ZNF586: variants seen among roughly 807,000 people sequenced by gnomAD.
ZNF586 encodes zinc finger protein 586.
Under a neutral mutation model 6.7 loss-of-function variants are expected in ZNF586, and 7 were observed. The ratio of observed to expected loss-of-function variants is 1.04; its 90% CI spans 0.59 to 1.95. ZNF586 has a LOEUF of 1.95. Among genes scored for constraint, ZNF586 ranks in the 30% most tolerant of loss-of-function variants. The pLI, the probability that ZNF586 is intolerant of heterozygous loss-of-function variation, is 0.00. For synonymous variants in ZNF586, 166 were observed against 168.7 expected (o/e 0.98, Z 0.12); for missense variants, 442 against 489.6 (o/e 0.90, Z 0.92).
At position 57,769,748 on chromosome 19, in the gene ZNF586, G is replaced by A. The variant is rs1987039203; in HGVS notation, c.-95G>A. Reference sequence around the variant, plus strand: ...GAGTGGTTGTGGCCATTGCACACAGGCGGATCTGAGGTTCGGCGACGCCGC... The same window carrying A: ...GAGTGGTTGTGGCCATTGCACACAGACGGATCTGAGGTTCGGCGACGCCGC... On this transcript the variant is annotated 5_prime_UTR_variant, in exon 1 of 3. Coordinates refer to ENST00000396154, the MANE Select transcript of ZNF586 (RefSeq NM_017652.4). The A allele has an allele frequency of 2.0e-5, 27 of 1,329,594 alleles. No individual in the cohort carries two copies. The highest frequency in any genetic ancestry group is 2.6e-5 in the Non-Finnish European group (25 of 953,792). 82.4% of individuals were successfully genotyped at this position (1,329,594 alleles called of 1,614,324 possible). A position where few individuals can be genotyped will look rare whatever the true frequency, so the allele number is the denominator to read the frequency against.
chr19:57,775,045 G>A (rs886344681), intron 1 of ZNF586, among the ~76,000 whole-genome samples: 10 of 151,258 alleles, frequency 6.6e-5, no homozygotes, highest in Non-Finnish European at 5.9e-5. Flanking sequence ...TGTCGCCCAG[G>A]CTGGAGTACA....
Position 57,772,669 on chromosome 19 carries a change from T to G in ZNF586, c.36+2791T>G, listed in dbSNP as rs533775222. 2.0e-5 allele frequency among the ~76,000 whole-genome samples: 3 copies of G among 152,290 alleles called. No homozygotes were observed. In the South Asian group the frequency reaches 6.2e-4, roughly 32 times the overall value. ...ATTACAAAGGTTACAGATGAAGAGA[T>G]GCATAAGGGGAAGCGACCCAGAGCT... On this transcript the variant is annotated intron_variant, in intron 1 of 2. Transcript: ENST00000396154.
Position 57,778,998 on chromosome 19 carries a change from C to A in ZNF586, c.411C>A (p.Leu137=). The change falls in exon 3 of 3, where the codon CTC becomes CTA. Residue 137 remains leucine (L), a synonymous_variant. Transcript: ENST00000396154. ...YGKLFHQKPT[L]HIHERFHTGQ... ...AATTATTTCACCAAAAGCCTACACT[C>A]CATATTCATGAGAGATTTCATACTG... is the stretch of plus-strand genomic sequence containing the variant. 1 of 1,613,934 alleles carries A rather than the reference C, an allele frequency of 6.2e-7. No homozygotes were observed. The highest frequency in any genetic ancestry group is 8.5e-7 in the Non-Finnish European group (1 of 1,179,990).
At chr19:57,778,239 CTT>C (rs1353532765) in intron 2 of ZNF586, among the ~76,000 whole-genome samples, 2 of 151,982 alleles carry the variant, frequency 1.3e-5, no homozygotes, top group South Asian at 2.1e-4. Flanking sequence ...ACCTGGCTAA[CTT>C]TTATTTTTAG....
intron 1 of ZNF586, among the ~76,000 whole-genome samples, chr19:57,774,325 C>A (rs1987172170): frequency 6.6e-6 from 1 of 150,888 alleles, no homozygotes; most frequent in South Asian, 2.1e-4. Context: ...GAGTTGGAGA[C>A]CAGCCTGACC....
At chr19:57,778,623 T>C in intron 2 of ZNF586, 128 bp from the exon 3 acceptor site, 1 of 836,224 alleles carries the variant, frequency 1.2e-6, no homozygotes, top group Non-Finnish European at 1.8e-6. Context: ...AACCTCAACC[T>C]GAACCCAACT....
At position 57,779,602 on chromosome 19, in the gene ZNF586, C is replaced by G. The variant is rs1987334015; in HGVS notation, c.1015C>G (p.His339Asp). The G allele has an allele frequency of 1.9e-6, 3 of 1,613,664 alleles. No individual in the cohort carries two copies. The highest frequency in any genetic ancestry group is 2.5e-6 in the Non-Finnish European group (3 of 1,179,990). Reference protein sequence around the residue: ...KSSLIIHLRVHTGERPYECSD... With the variant: ...KSSLIIHLRVDTGERPYECSD... ...TAGCCTTATTATACATCTGAGAGTT[C>G]ACACTGGAGAAAGGCCTTATGAGTG... The change falls in exon 3 of 3, where the codon CAC becomes GAC. Residue 339 changes from histidine (H) to aspartate (D), a missense_variant. His to Asp is a moderately conservative substitution (Grantham distance 81). Transcript: ENST00000396154.
chr19:57,776,381 A>G (rs1380586653), intron 1 of ZNF586, among the ~76,000 whole-genome samples, 162 bp from the exon 2 acceptor site: 1 of 152,112 alleles, frequency 6.6e-6, no homozygotes, highest in Non-Finnish European at 1.5e-5. Context: ...GTCATGATTA[A>G]TGGTCCCATG....
chr19:57,777,814 A>C (rs1400667400), intron 2 of ZNF586, among the ~76,000 whole-genome samples: 1 of 124,280 alleles, frequency 8.0e-6, no homozygotes, highest in Non-Finnish European at 1.6e-5. Context: ...GGAGTGCAAT[A>C]GTGCGATCTC....
Position 57,779,322 on chromosome 19 carries a change from A to C in ZNF586, c.735A>C (p.Glu245Asp), listed in dbSNP as rs772778194. The change falls in exon 3 of 3, where the codon GAA (glutamate) becomes GAC (aspartate). Residue 245 changes from glutamate (E) to aspartate (D), a missense_variant. Physicochemically the swap from Glu to Asp is conservative, Grantham distance 45. Coordinates refer to ENST00000396154, the MANE Select transcript of ZNF586 (RefSeq NM_017652.4). ...GTGAATGTGGGAGATCCTTTGCTGAAAACTCCAGTCTTATTAAACACTTGA... is the reference window on the plus strand; with the variant it reads ...GTGAATGTGGGAGATCCTTTGCTGACAACTCCAGTCTTATTAAACACTTGA... ...ECSECGRSFA[E>D]NSSLIKHLRV... is the part of the protein sequence containing the mutation. 1.9e-6 allele frequency: 3 copies of C among 1,613,990 alleles called. No individual in the cohort carries two copies. The South Asian group carries it at 3.3e-5, about 18-fold the overall frequency.
Position 57,779,868 on chromosome 19 carries a change from G to T in ZNF586, c.*72G>T. On this transcript the variant is annotated 3_prime_UTR_variant, in exon 3 of 3. Coordinates refer to ENST00000396154, the MANE Select transcript of ZNF586 (RefSeq NM_017652.4). ...GCCAGAGAGTTCACACCAGATCAAG[G>T]TGTTATGAGTGTGACAAATGGGGAA... The T allele has an allele frequency of 8.0e-7, 1 of 1,254,214 alleles. No individual in the cohort carries two copies. The allele number at this position is 1,254,214 out of a possible 1,614,324, so 77.7% of individuals were successfully genotyped here.
Position 57,778,835 on chromosome 19 carries a change from G to A in ZNF586, c.248G>A (p.Ser83Asn), listed in dbSNP as rs1318400594. ...IHIYKDQGGH[S>N]GERPYECGEY... is the part of the protein sequence containing the mutation. ...ATATACAAAGACCAGGGAGGTCATA[G>A]TGGAGAAAGGCCTTATGAGTGTGGG... The change falls in exon 3 of 3, where the codon AGT becomes AAT. Residue 83 changes from serine to asparagine, a missense_variant. By Grantham distance (46) the Ser-to-Asn change is conservative. Transcript: ENST00000396154. The A allele has an allele frequency of 6.2e-7, 1 of 1,614,210 alleles. No homozygotes were observed. The highest frequency in any genetic ancestry group is 2.2e-5 in the East Asian group (1 of 44,892).
chr19:57,772,412 A>G (rs531847414), intron 1 of ZNF586, among the ~76,000 whole-genome samples: 1 of 152,196 alleles, frequency 6.6e-6, no homozygotes, highest in African/African-American at 2.4e-5. Flanking sequence ...GTAGTTCTGC[A>G]GTGGACATCA....
At chr19:57,771,973 C>T (rs763964124) in intron 1 of ZNF586, among the ~76,000 whole-genome samples, 4 of 152,026 alleles carry the variant, frequency 2.6e-5, no homozygotes, top group Non-Finnish European at 5.9e-5. Context: ...TACAGGCGCG[C>T]GCCTCCACAC....
intron 1 of ZNF586, 63 bp downstream of exon 1, chr19:57,769,941 G>T (rs1335706452): frequency 2.3e-5 from 31 of 1,344,938 alleles, no homozygotes; most frequent in Non-Finnish European, 2.7e-5. Context: ...GCCCCTGATC[G>T]TGAGGGCCGC....
intron 1 of ZNF586, among the ~76,000 whole-genome samples, chr19:57,775,802 T>C (rs1282245740): frequency 6.6e-6 from 1 of 152,036 alleles, no homozygotes. Flanking sequence ...GGGTTTCACC[T>C]TGTTGGTCAG....
Position 57,776,100 on chromosome 19 carries a change from A to G in ZNF586, c.37-443A>G, listed in dbSNP as rs1600079833. 2.0e-5 allele frequency among the ~76,000 whole-genome samples: 3 copies of G among 152,302 alleles called. No individual in the cohort carries two copies. The South Asian group carries it at 6.2e-4, about 32-fold the overall frequency. On this transcript the variant is annotated intron_variant, in intron 1 of 2. Coordinates refer to ENST00000396154, the MANE Select transcript of ZNF586 (RefSeq NM_017652.4). ...CAGTAGAAGAAAGGGGGATTAAAAT[A>G]CTGTAACTTCTGGCAAGACCAGAGA...
intron 1 of ZNF586, among the ~76,000 whole-genome samples, chr19:57,775,770 T>G (rs112995380): frequency 7.0e-4 from 106 of 152,176 alleles, no homozygotes; most frequent in African/African-American, 2.5e-3. Flanking sequence ...ACCCAGCCAA[T>G]TTTTGTATTT....
chr19:57,773,943 T>C (rs1360730121), intron 1 of ZNF586, among the ~76,000 whole-genome samples: 1 of 152,100 alleles, frequency 6.6e-6, no homozygotes, highest in Non-Finnish European at 1.5e-5. Context: ...TTGCCGGGCA[T>C]AGTGGCTCAC....
Sources: gnomAD v4.1 joint callset for allele counts (sites outside exome capture counted in the v4.1 genomes callset) on GRCh38, gnomAD v4.1.1 for gene constraint, MANE v1.5 for transcripts, NCBI Gene and HGNC (gene_info 2026-07-23, HGNC 2026-07-21) for gene names.